Variants in KCNIP4 observed in about 807,000 individuals in gnomAD.
The protein encoded by KCNIP4 is Kv channel-interacting protein 4.
In KCNIP4, 12 loss-of-function variants were observed where a neutral mutation model predicts 34.0. The observed-to-expected ratio is 0.35, with a 90% CI of 0.23 to 0.57. KCNIP4 has a LOEUF of 0.57. Among genes scored for constraint, KCNIP4 ranks in the 20% least tolerant of loss-of-function variants. KCNIP4 has a pLI of 0.83. For missense variants in KCNIP4, 238 were observed against 311.7 expected, an observed-to-expected ratio of 0.76 and a Z score of 1.78; for synonymous variants, 124 against 102.2, an observed-to-expected ratio of 1.21 and a Z score of -1.29.
intron 1 of KCNIP4, among the ~76,000 whole-genome samples, chr4:21,577,876 C>A (rs1740871082): frequency 6.6e-6 from 1 of 152,136 alleles, no homozygotes; most frequent in South Asian, 2.1e-4. Context: ...TGTGCTACAT[C>A]CTGCTCTCCA....
At chr4:21,692,151 T>C (rs1418816110) in intron 1 of KCNIP4, among the ~76,000 whole-genome samples, 1 of 152,150 alleles carries the variant, frequency 6.6e-6, no homozygotes, top group Non-Finnish European at 1.5e-5. Context: ...GTTATGACAA[T>C]GATAAAAACA....
intron 1 of KCNIP4, among the ~76,000 whole-genome samples, chr4:21,467,073 A>AACAC (rs33937973): frequency 0.14 from 19,126 of 138,926 alleles, 1,423 homozygotes; most frequent in Admixed American, 0.19. Flanking sequence ...AACCAAAACA[A>AACAC]ACACACACAC....
chr4:21,673,083 T>C (rs1433900560), intron 1 of KCNIP4, among the ~76,000 whole-genome samples: 1 of 152,180 alleles, frequency 6.6e-6, no homozygotes, highest in Non-Finnish European at 1.5e-5. Context: ...CATAGCATCA[T>C]GATTGCCATA....
At chr4:21,039,619 T>G (rs918974234) in intron 1 of KCNIP4, among the ~76,000 whole-genome samples, 1 of 152,192 alleles carries the variant, frequency 6.6e-6, no homozygotes, top group African/African-American at 2.4e-5. Flanking sequence ...TTGTTATAAC[T>G]GTTACTAATG....
chr4:21,276,809 T>C (rs998273419), intron 1 of KCNIP4, among the ~76,000 whole-genome samples: 2 of 152,136 alleles, frequency 1.3e-5, no homozygotes, highest in Non-Finnish European at 2.9e-5. Context: ...TAAACAGAGG[T>C]CTGCTAAGGA....
intron 5 of KCNIP4, among the ~76,000 whole-genome samples, chr4:20,742,912 T>C (rs62411661): frequency 6.6e-6 from 1 of 151,918 alleles, no homozygotes; most frequent in Admixed American, 6.6e-5. Flanking sequence ...GGCATTCCTA[T>C]ACACCAATAA....
intron 1 of KCNIP4, among the ~76,000 whole-genome samples, chr4:20,903,697 C>A (rs1430000038): frequency 6.6e-6 from 1 of 152,130 alleles, no homozygotes; most frequent in Non-Finnish European, 1.5e-5. Context: ...CCAAGCTGCG[C>A]CCCAATCACC....
chr4:21,917,035 G>A (rs1022632652), intron 1 of KCNIP4, among the ~76,000 whole-genome samples: 5 of 152,182 alleles, frequency 3.3e-5, no homozygotes. Context: ...CTTTGCTTCA[G>A]GTTTGCTCCT....
chr4:21,323,996 C>T (rs1257577706), intron 1 of KCNIP4, among the ~76,000 whole-genome samples: 2 of 151,962 alleles, frequency 1.3e-5, no homozygotes, highest in African/African-American at 4.8e-5. Flanking sequence ...TCTCTAATGA[C>T]CAGTGATGTT....
intron 1 of KCNIP4, among the ~76,000 whole-genome samples, chr4:21,715,751 T>C (rs16871714): frequency 0.027 from 4,062 of 152,244 alleles, 347 homozygotes; most frequent in East Asian, 0.24. Flanking sequence ...GTTGCATCCA[T>C]CAAAAAAAGT....
intron 1 of KCNIP4, among the ~76,000 whole-genome samples, chr4:21,554,050 A>G (rs1444086793): frequency 6.6e-6 from 1 of 152,148 alleles, no homozygotes; most frequent in African/African-American, 2.4e-5. Flanking sequence ...AATGCCAAGT[A>G]GTGATAAATG....
At position 21,252,365 on chromosome 4, in the gene KCNIP4, A is replaced by T. The variant is rs573178841; in HGVS notation, c.62-369656T>A. ...ATGGTCTCGATCTCCTAACCTCGTGATCCGCCCGCCTCGGCCTCCCAAAGT... is the reference window on the plus strand; with the variant it reads ...ATGGTCTCGATCTCCTAACCTCGTGTTCCGCCCGCCTCGGCCTCCCAAAGT... On this transcript the variant is annotated intron_variant, in intron 1 of 8. Coordinates refer to ENST00000382152, the MANE Select transcript of KCNIP4 (RefSeq NM_025221.6). Among the ~76,000 whole-genome samples the T allele has an allele frequency of 1.2e-3, 179 of 152,110 alleles. 1 individual carries two copies. The highest frequency in any genetic ancestry group is 4.0e-3 in the African/African-American group (168 of 41,496).
chr4:21,670,108 C>T (rs1026809627), intron 1 of KCNIP4, among the ~76,000 whole-genome samples: 6 of 151,870 alleles, frequency 4.0e-5, no homozygotes, highest in African/African-American at 1.2e-4. Flanking sequence ...TAATTATCTT[C>T]GCTTAAGATT....
At chr4:20,895,903 G>A (rs1726460829) in intron 1 of KCNIP4, among the ~76,000 whole-genome samples, 1 of 152,162 alleles carries the variant, frequency 6.6e-6, no homozygotes, top group East Asian at 1.9e-4. Context: ...AAAATATGAT[G>A]CCAGATAGGT....
intron 1 of KCNIP4, among the ~76,000 whole-genome samples, chr4:20,967,519 A>T (rs1734482002): frequency 2.0e-5 from 3 of 152,228 alleles, no homozygotes. Flanking sequence ...ATGCTACCTG[A>T]CTTCAAACTA....
chr4:21,670,311 T>C (rs1255424215), intron 1 of KCNIP4, among the ~76,000 whole-genome samples: 1 of 151,070 alleles, frequency 6.6e-6, no homozygotes, highest in African/African-American at 2.4e-5. Context: ...CTCAGTAAAC[T>C]ATCGCAAGAA....
chr4:21,512,097 G>C (rs1040484232), intron 1 of KCNIP4, among the ~76,000 whole-genome samples: 1 of 145,054 alleles, frequency 6.9e-6, no homozygotes, highest in African/African-American at 2.6e-5. Context: ...AGGAGGGAGG[G>C]AGGGAGGAAA....
At chr4:21,638,921 GCAA>G (rs879879419) in intron 1 of KCNIP4, among the ~76,000 whole-genome samples, 3 of 152,132 alleles carry the variant, frequency 2.0e-5, no homozygotes, top group African/African-American at 7.2e-5. Context: ...TGTTCTGATA[GCAA>G]CAACAACAAA....
intron 1 of KCNIP4, among the ~76,000 whole-genome samples, chr4:21,918,245 T>C (rs779187443): frequency 6.6e-6 from 1 of 152,178 alleles, no homozygotes; most frequent in Non-Finnish European, 1.5e-5. Context: ...ATAACTGTGA[T>C]AAAAACAGGC....
Sources: allele counts gnomAD v4.1 joint callset (sites outside exome capture counted in the v4.1 genomes callset), GRCh38; gene constraint gnomAD v4.1.1; transcripts MANE v1.5; gene names NCBI Gene and HGNC (gene_info 2026-07-23, HGNC 2026-07-21).